STXBP6: variants seen among roughly 807,000 people sequenced by gnomAD.
The protein encoded by STXBP6 is syntaxin binding protein 6.
A neutral mutation model predicts 26.9 loss-of-function variants in STXBP6; 21 were observed. The ratio of observed to expected loss-of-function variants is 0.78; its 90% CI spans 0.55 to 1.12. The LOEUF is 1.12. STXBP6 is among the 50% of genes most tolerant of loss of function. The probability of loss-of-function intolerance (pLI) is 0.00; values close to 1 mark genes in which losing one functional copy is unlikely to be tolerated. For missense variants in STXBP6, 232 were observed against 257.9 expected, an observed-to-expected ratio of 0.90 and a Z score of 0.69; for synonymous variants, 97 against 92.6, an observed-to-expected ratio of 1.05 and a Z score of -0.27.
intron 2 of STXBP6, among the ~76,000 whole-genome samples, chr14:24,906,200 C>A (rs1282572512): frequency 6.6e-6 from 1 of 152,094 alleles, no homozygotes; most frequent in Non-Finnish European, 1.5e-5. Flanking sequence ...CCAAGCCTTA[C>A]TACTACAAAA....
chr14:24,914,786 C>T (rs1169740175), intron 2 of STXBP6, among the ~76,000 whole-genome samples: 5 of 152,254 alleles, frequency 3.3e-5, no homozygotes, highest in African/African-American at 1.2e-4. Context: ...CTTGATCAAA[C>T]GATGAATCAA....
At chr14:24,913,215 G>C (rs1340675075) in intron 2 of STXBP6, among the ~76,000 whole-genome samples, 1 of 152,174 alleles carries the variant, frequency 6.6e-6, no homozygotes, top group African/African-American at 2.4e-5. Flanking sequence ...TGGCCAAACA[G>C]GAATGATTCC....
chr14:24,917,793 T>C (rs1264850413), intron 2 of STXBP6, among the ~76,000 whole-genome samples: 2 of 152,050 alleles, frequency 1.3e-5, no homozygotes, highest in Non-Finnish European at 2.9e-5. Flanking sequence ...AAGGACACCA[T>C]TAATAAAGTG....
chr14:25,017,162 C>A (rs1333789851), intron 1 of STXBP6, among the ~76,000 whole-genome samples: 1 of 152,072 alleles, frequency 6.6e-6, no homozygotes, highest in Non-Finnish European at 1.5e-5. Flanking sequence ...GGAAAATAAA[C>A]AGAATGTATT....
At position 24,990,514 on chromosome 14, in the gene STXBP6, C is replaced by T. The variant is rs1219342643; in HGVS notation, c.-32-15664G>A. Among the ~76,000 whole-genome samples the T allele has an allele frequency of 5.3e-5, 8 of 151,942 alleles. No individual in the cohort carries two copies. In the South Asian group the frequency reaches 8.3e-4, roughly 16 times the overall value. ...TCTCTACTAAAAATACAAAATTAGC[C>T]GGGCGTGATGGTGCAGGCCTGTAAT... On this transcript the variant is annotated intron_variant, in intron 1 of 5. Coordinates refer to ENST00000323944, the MANE Select transcript of STXBP6 (RefSeq NM_001394410.1).
chr14:24,964,346 T>C (rs2073657396), intron 2 of STXBP6, among the ~76,000 whole-genome samples: 1 of 152,176 alleles, frequency 6.6e-6, no homozygotes. Context: ...AACTACCTAG[T>C]AGTCTATTCT....
intron 2 of STXBP6, among the ~76,000 whole-genome samples, chr14:24,950,908 G>A (rs546552145): frequency 6.6e-6 from 1 of 151,476 alleles, no homozygotes; most frequent in South Asian, 2.1e-4. Context: ...CTTCCCGACA[G>A]GCCCCCCGTG....
chr14:24,990,659 CAAA>C (rs1211659589), intron 1 of STXBP6, among the ~76,000 whole-genome samples: 2 of 57,328 alleles, frequency 3.5e-5, no homozygotes, highest in Middle Eastern at 0.015. Flanking sequence ...AACTCCATCT[CAAA>C]AAAAAAAAAA....
chr14:24,932,844 A>G (rs2072465156), intron 2 of STXBP6, among the ~76,000 whole-genome samples: 1 of 151,728 alleles, frequency 6.6e-6, no homozygotes, highest in African/African-American at 2.4e-5. Context: ...GAGGTAAAAT[A>G]ACTAGGGGGA....
chr14:24,988,730 T>A (rs971966743), intron 1 of STXBP6, among the ~76,000 whole-genome samples: 2 of 152,034 alleles, frequency 1.3e-5, no homozygotes, highest in Non-Finnish European at 2.9e-5. Flanking sequence ...CAGCCCCCAA[T>A]CCAAGGTGGA....
chr14:24,910,280 CTA>C (rs2071525190), intron 2 of STXBP6, among the ~76,000 whole-genome samples: 2 of 152,210 alleles, frequency 1.3e-5, no homozygotes, highest in Admixed American at 6.5e-5. Flanking sequence ...CCTTTTTCAT[CTA>C]TGTTGTTTTA....
At chr14:24,857,202 G>A (rs1407824827) in intron 2 of STXBP6, 45 bp from the exon 3 acceptor site, 1 of 1,610,076 alleles carries the variant, frequency 6.2e-7, no homozygotes, top group East Asian at 2.2e-5. Flanking sequence ...GCAAGTTGGT[G>A]GTTTGTTTCC....
At chr14:24,817,843 G>A (rs138124230) in intron 5 of STXBP6, 118 of 329,828 alleles carry the variant, frequency 3.6e-4, no homozygotes, top group African/African-American at 2.2e-3. Flanking sequence ...TGGGCCCCAC[G>A]GGCAACAGTG....
intron 1 of STXBP6, among the ~76,000 whole-genome samples, chr14:25,044,052 T>G (rs974830832): frequency 1.3e-5 from 2 of 151,308 alleles, no homozygotes; most frequent in African/African-American, 4.9e-5. Context: ...ATGCCTGTAG[T>G]CCCAGCTACT....
intron 4 of STXBP6, among the ~76,000 whole-genome samples, chr14:24,831,529 A>G (rs868866030): frequency 6.6e-6 from 1 of 152,234 alleles, no homozygotes; most frequent in Non-Finnish European, 1.5e-5. Flanking sequence ...AGGCTAAATT[A>G]TTAACACAGG....
At chr14:24,992,375 G>C (rs2074495851) in intron 1 of STXBP6, among the ~76,000 whole-genome samples, 2 of 151,902 alleles carry the variant, frequency 1.3e-5, no homozygotes, top group African/African-American at 4.8e-5. Context: ...ACTCCACATG[G>C]TCTCTAAATA....
intron 4 of STXBP6, among the ~76,000 whole-genome samples, chr14:24,848,325 C>T (rs1432891279): frequency 6.6e-6 from 1 of 152,080 alleles, no homozygotes; most frequent in Non-Finnish European, 1.5e-5. Context: ...GATGAAGTTA[C>T]ACAGCTAATG....
chr14:24,851,057 C>T (rs1179190307), intron 4 of STXBP6, among the ~76,000 whole-genome samples: 1 of 151,928 alleles, frequency 6.6e-6, no homozygotes, highest in East Asian at 1.9e-4. Context: ...AATACTAGGC[C>T]AACAGTAATC....
At chr14:24,897,705 C>G (rs1022455921) in intron 2 of STXBP6, among the ~76,000 whole-genome samples, 6 of 152,124 alleles carry the variant, frequency 3.9e-5, no homozygotes, top group Admixed American at 2.6e-4. Context: ...TCACAAACAA[C>G]AGGAGAGGTT....
Sources: gnomAD v4.1 joint callset for allele counts (sites outside exome capture counted in the v4.1 genomes callset) on GRCh38, gnomAD v4.1.1 for gene constraint, MANE v1.5 for transcripts, NCBI Gene and HGNC (gene_info 2026-07-23, HGNC 2026-07-21) for gene names.